CLTC: variants seen among roughly 807,000 people sequenced by gnomAD.
The protein encoded by CLTC is clathrin heavy chain 1.
Under a neutral mutation model 195.8 loss-of-function variants are expected in CLTC, and 16 were observed. The ratio of observed to expected loss-of-function variants is 0.08; its 90% confidence interval spans 0.06 to 0.12. The LOEUF (loss-of-function observed/expected upper bound fraction) is 0.12. Among genes scored for constraint, CLTC ranks in the 10% least tolerant of loss-of-function variants. The pLI is 1.00. For synonymous variants in CLTC, 667 were observed against 689.4 expected, an observed-to-expected ratio of 0.97 and a Z score of 0.51; for missense variants, 796 against 2,027.0, an observed-to-expected ratio of 0.39 and a Z score of 11.66.
rs563375890 is a variant in CLTC at position 59,676,930 on chromosome 17, G to T, written c.2562-24G>T. The T allele has an allele frequency of 2.0e-6, 3 of 1,524,318 alleles. No homozygotes were observed. In the African/African-American group the frequency reaches 4.1e-5, roughly 21 times the overall value. The allele number at this position is 1,524,318 out of a possible 1,614,324, so 94.4% of individuals were successfully genotyped here. ...TATTTATAATACAGTATGTGTGTGT[G>T]AGGTTTTTTTCCTTTTTTCCTAGAT... On this transcript the variant is annotated intron_variant, in intron 16 of 31. Transcript: ENST00000269122.
chr17:59,672,731 T>C (rs2032880294), intron 14 of CLTC, among the ~76,000 whole-genome samples: 1 of 152,192 alleles, frequency 6.6e-6, no homozygotes, highest in South Asian at 2.1e-4. Context: ...ATCGAGTAAC[T>C]AATATCCCCT....
chr17:59,685,494 G>T lies in CLTC; in HGVS notation c.4606-93G>T. The T allele has an allele frequency of 8.4e-7, 1 of 1,189,260 alleles. No homozygotes were observed. The highest frequency in any genetic ancestry group is 1.2e-6 in the Non-Finnish European group (1 of 842,972). The allele number at this position is 1,189,260 out of a possible 1,614,324, so 73.7% of individuals were successfully genotyped here. On this transcript the variant is annotated intron_variant, in intron 29 of 31. Transcript: ENST00000269122. This position sits in a 1 kb window ranked among gnomAD's most constrained non-coding sequence, Gnocchi z 5.0. ...AGGCTTTTTTCCCCTTGCAAAACCA[G>T]ATTTATATTGGAAAGTTTCCATTGT...
chr17:59,681,276 A>G lies in CLTC; in HGVS notation c.3066-19A>G, dbSNP rs762006409. 2 of 1,584,158 alleles carry G rather than the reference A, an allele frequency of 1.3e-6. No individual in the cohort carries two copies. Among genetic ancestry groups the G allele is most frequent in the African/African-American group, 2.7e-5 (2 of 73,296 alleles). On this transcript the variant is annotated intron_variant, in intron 19 of 31. Coordinates refer to ENST00000269122, the MANE Select transcript of CLTC (RefSeq NM_004859.4). The surrounding 1 kb of genome is among the most constrained non-coding windows in gnomAD (Gnocchi z 5.0). ...AAACTTAAAATATTGCATTTAAAAT[A>G]TTCTTTTTTTTCTTAAAGGAATCTG...
intron 31 of CLTC, among the ~76,000 whole-genome samples, chr17:59,691,600 G>T (rs1025765023): frequency 2.0e-5 from 3 of 148,784 alleles, no homozygotes; most frequent in Non-Finnish European, 4.4e-5. Flanking sequence ...GTCCAGCCTG[G>T]GTGACAGAGC....
In CLTC at chr17:59,694,506, T is replaced by C. The variant is rs912678830; in HGVS notation, c.*654T>C. 8.8e-6 allele frequency: 2 copies of C among 226,868 alleles called. No individual in the cohort carries two copies. The highest frequency in any genetic ancestry group is 1.8e-5 in the Non-Finnish European group (2 of 113,870). 14.1% of individuals were successfully genotyped at this position (226,868 alleles called of 1,614,324 possible). A position where few individuals can be genotyped will look rare whatever the true frequency, so the allele number is the denominator to read the frequency against. On this transcript the variant is annotated 3_prime_UTR_variant, in exon 32 of 32. Coordinates refer to ENST00000269122, the MANE Select transcript of CLTC (RefSeq NM_004859.4). Reference sequence around the variant, plus strand: ...GCTAGTATGTTTTGCTCACTTCATATGTAACAGGTGCCCTTATGTTGTGCT... The same window carrying C: ...GCTAGTATGTTTTGCTCACTTCATACGTAACAGGTGCCCTTATGTTGTGCT...
chr17:59,690,962 C>A, intron 31 of CLTC: 1 of 390,786 alleles, frequency 2.6e-6, no homozygotes, highest in Non-Finnish European at 4.6e-6. Flanking sequence ...TTCCTATCAT[C>A]TGGTCCCTCA....
In CLTC at chr17:59,681,164, C is replaced by A. The variant is rs2033073072; in HGVS notation, c.3065+107C>A. The A allele has an allele frequency of 6.8e-6, 10 of 1,463,580 alleles. No homozygotes were observed. The South Asian group carries it at 1.3e-4, about 19-fold the overall frequency. The allele number at this position is 1,463,580 out of a possible 1,614,324, so 90.7% of individuals were successfully genotyped here. On this transcript the variant is annotated intron_variant, in intron 19 of 31. Coordinates refer to ENST00000269122, the MANE Select transcript of CLTC (RefSeq NM_004859.4). The surrounding 1 kb of genome is among the most constrained non-coding windows in gnomAD (Gnocchi z 5.0). ...AAGATCAGAGAAAGTTGCCTGAATTCTCACTCTTCTAATATCCTCCCCCCT... is the reference window on the plus strand; with the variant it reads ...AAGATCAGAGAAAGTTGCCTGAATTATCACTCTTCTAATATCCTCCCCCCT...
chr17:59,664,589 G>T, intron 9 of CLTC, 198 bp from the exon 10 acceptor site: 1 of 458,124 alleles, frequency 2.2e-6, no homozygotes. Flanking sequence ...AAAAGAAAAT[G>T]GATAAGCCAG....
In CLTC at chr17:59,693,976, C is replaced by T; in HGVS notation, c.*124C>T. 1 of 1,001,268 alleles carries T rather than the reference C, an allele frequency of 1.0e-6. No individual in the cohort carries two copies. The allele number at this position is 1,001,268 out of a possible 1,614,324, so 62.0% of individuals were successfully genotyped here. Reference sequence around the variant, plus strand: ...GTAACCTTTATTTCATGAAGGACTTCTTTTTGTTTCTAACTATAAACTTGG... The same window carrying T: ...GTAACCTTTATTTCATGAAGGACTTTTTTTTGTTTCTAACTATAAACTTGG... On this transcript the variant is annotated 3_prime_UTR_variant, in exon 32 of 32. Transcript: ENST00000269122.
Position 59,673,694 on chromosome 17 carries a change from A to T in CLTC, c.2340A>T (p.Arg780=), listed in dbSNP as rs1484843880. 2.5e-6 allele frequency: 4 copies of T among 1,609,086 alleles called. No homozygotes were observed. The highest frequency in any genetic ancestry group is 2.6e-6 in the Non-Finnish European group (3 of 1,175,786). ...TACCACTTATCATTGTGTGTGATCG[A>T]TTTGACTTTGTCCATGATTTGGTGC... ...DQLPLIIVCD[R]FDFVHDLVLY... The change falls in exon 15 of 32, where the codon CGA becomes CGT. Residue 780 remains arginine, a synonymous_variant. Transcript: ENST00000269122.
chr17:59,628,520 A>G (rs2031615941), intron 1 of CLTC, among the ~76,000 whole-genome samples: 1 of 152,214 alleles, frequency 6.6e-6, no homozygotes, highest in South Asian at 2.1e-4. Context: ...ATTGAAGCCA[A>G]GATCTTGAAG....
chr17:59,673,182 G>C (rs971262264), intron 14 of CLTC, among the ~76,000 whole-genome samples: 2 of 151,926 alleles, frequency 1.3e-5, no homozygotes, highest in Non-Finnish European at 2.9e-5. Flanking sequence ...TGTTATAATA[G>C]AGTATTAGAG....
rs2033404121 is a variant in CLTC at position 59,695,704 on chromosome 17, T to TAA, written c.*1853_*1854dup. ...ACCTATTTAGTTTCATCCAGGACAT[T>TAA]AAGTGAAAGTGTTTAATGTGAGTGC... On this transcript the variant is annotated 3_prime_UTR_variant, in exon 32 of 32. Transcript: ENST00000269122. 5.2e-6 allele frequency: 1 copy of TAA among 190,940 alleles called. No individual in the cohort carries two copies. Among genetic ancestry groups the TAA allele is most frequent in the African/African-American group, 2.3e-5 (1 of 42,978 alleles). The allele number at this position is 190,940 out of a possible 1,614,324, so 11.8% of individuals were successfully genotyped here.
chr17:59,651,711 C>A (rs1404858961), intron 5 of CLTC, among the ~76,000 whole-genome samples: 1 of 152,166 alleles, frequency 6.6e-6, no homozygotes, highest in African/African-American at 2.4e-5. Flanking sequence ...ATTATTTGAG[C>A]CTTTAGTGAG....
intron 28 of CLTC, among the ~76,000 whole-genome samples, chr17:59,684,666 T>C (rs1325835096): frequency 6.6e-6 from 1 of 151,982 alleles, no homozygotes; most frequent in Non-Finnish European, 1.5e-5. Flanking sequence ...ATTAGCCGGT[T>C]GTGGTGGCAC....
Position 59,638,966 on chromosome 17 carries a change from T to TGTA in CLTC, c.43-5309_43-5307dup, listed in dbSNP as rs1356385234. 2.0e-5 allele frequency among the ~76,000 whole-genome samples: 3 copies of TGTA among 152,244 alleles called. No individual in the cohort carries two copies. The South Asian group carries it at 6.2e-4, about 31-fold the overall frequency. On this transcript the variant is annotated intron_variant, in intron 1 of 31. Transcript: ENST00000269122. Reference sequence around the variant, plus strand: ...ATGCATTTTAAAATCATTTGTAACATGTAACTCCAGGGTACTTCAGAGTTT... The same window carrying TGTA: ...ATGCATTTTAAAATCATTTGTAACATGTAGTAACTCCAGGGTACTTCAGAGTTT...
At chr17:59,679,977 G>A (rs1236154401) in intron 18 of CLTC, among the ~76,000 whole-genome samples, 1 of 151,976 alleles carries the variant, frequency 6.6e-6, no homozygotes, top group Admixed American at 6.6e-5. Context: ...AACCCGGGAG[G>A]TGGAGGTTGC....
At chr17:59,623,733 G>A (rs998513650) in intron 1 of CLTC, among the ~76,000 whole-genome samples, 30 of 152,194 alleles carry the variant, frequency 2.0e-4, no homozygotes, top group Middle Eastern at 3.4e-3. Flanking sequence ...TTACCGTTGT[G>A]GCTTTTTCTC....
intron 14 of CLTC, among the ~76,000 whole-genome samples, chr17:59,669,574 A>T (rs1044110088): frequency 6.6e-6 from 1 of 152,178 alleles, no homozygotes; most frequent in Non-Finnish European, 1.5e-5. Context: ...TTTAATGTTT[A>T]ACTTAGCTTT....
Sources: allele counts gnomAD v4.1 joint callset (sites outside exome capture counted in the v4.1 genomes callset), GRCh38; gene constraint gnomAD v4.1.1; non-coding constraint Gnocchi (gnomAD v3.1); transcripts MANE v1.5; gene names NCBI Gene and HGNC (gene_info 2026-07-23, HGNC 2026-07-21).